MALRD1: variants seen among roughly 807,000 people sequenced by gnomAD.
MALRD1 encodes MAM and LDL receptor class A domain containing 1.
In MALRD1, 247 loss-of-function variants were observed where a neutral mutation model predicts 242.1. The ratio of observed to expected loss-of-function variants is 1.02; its 90% CI spans 0.92 to 1.13. The LOEUF (loss-of-function observed/expected upper bound fraction) is 1.13, where lower values mean the gene tolerates loss of function less well. Among genes scored for constraint, MALRD1 ranks in the 50% most tolerant of loss-of-function variants. The pLI, the probability that MALRD1 is intolerant of heterozygous loss-of-function variation, is 0.00. For synonymous variants in MALRD1, 995 were observed against 866.6 expected (o/e 1.15, Z -2.60); for missense variants, 2,989 against 2,533.1 (o/e 1.18, Z -3.86).
Position 19,660,861 on chromosome 10 carries a change from G to A in MALRD1, c.6138-31421G>A, listed in dbSNP as rs563290682. Among the ~76,000 whole-genome samples the A allele has an allele frequency of 1.6e-4, 24 of 152,212 alleles. No homozygotes were observed. In the South Asian group the frequency reaches 3.7e-3, roughly 24 times the overall value. ...ATTATGTTTTCCCTAAGTTCAGCCTGTTATTTTTGCATGCAGAAAGAGGTA... is the reference window on the plus strand; with the variant it reads ...ATTATGTTTTCCCTAAGTTCAGCCTATTATTTTTGCATGCAGAAAGAGGTA... On this transcript the variant is annotated intron_variant, in intron 36 of 39. Transcript: ENST00000454679.
At chr10:19,464,112 A>C (rs879009616) in intron 29 of MALRD1, among the ~76,000 whole-genome samples, 1 of 152,190 alleles carries the variant, frequency 6.6e-6, no homozygotes, top group African/African-American at 2.4e-5. Context: ...TCTGGATATT[A>C]GTCCTTTGTC....
chr10:19,405,600 G>A (rs1847059952), intron 28 of MALRD1, among the ~76,000 whole-genome samples: 1 of 152,140 alleles, frequency 6.6e-6, no homozygotes, highest in East Asian at 1.9e-4. Flanking sequence ...TTATTTACAT[G>A]TTATAGATTT....
intron 31 of MALRD1, among the ~76,000 whole-genome samples, chr10:19,511,474 A>G (rs1431501881): frequency 2.6e-5 from 4 of 152,220 alleles, no homozygotes; most frequent in Non-Finnish European, 4.4e-5. Flanking sequence ...GCCCATCAAC[A>G]ATTAGGGTTA....
intron 28 of MALRD1, among the ~76,000 whole-genome samples, chr10:19,415,493 G>C (rs936223219): frequency 2.6e-5 from 4 of 151,992 alleles, no homozygotes; most frequent in Admixed American, 2.0e-4. Context: ...GGCTAATTAA[G>C]TTAATTCACA....
chr10:19,095,050 A>G (rs964102764), intron 4 of MALRD1, among the ~76,000 whole-genome samples: 1 of 152,108 alleles, frequency 6.6e-6, no homozygotes, highest in African/African-American at 2.4e-5. Context: ...TTTTTTTATC[A>G]TCTGTTATTA....
intron 26 of MALRD1, among the ~76,000 whole-genome samples, chr10:19,374,203 TAG>T (rs1845505094): frequency 1.3e-5 from 2 of 152,230 alleles, no homozygotes; most frequent in African/African-American, 4.8e-5. Flanking sequence ...ACTGCATGCA[TAG>T]TACAATGAAG....
chr10:19,652,088 G>T (rs920341639), intron 36 of MALRD1, among the ~76,000 whole-genome samples: 1 of 152,152 alleles, frequency 6.6e-6, no homozygotes, highest in South Asian at 2.1e-4. Flanking sequence ...GCCAGCGAGG[G>T]TGACCATGAA....
At chr10:19,565,032 G>T (rs1303951217) in intron 32 of MALRD1, among the ~76,000 whole-genome samples, 1 of 152,086 alleles carries the variant, frequency 6.6e-6, no homozygotes, top group Non-Finnish European at 1.5e-5. Context: ...TATACTGGAG[G>T]TATTATAAAT....
chr10:19,470,461 G>A (rs370071560), intron 29 of MALRD1, among the ~76,000 whole-genome samples: 3 of 151,992 alleles, frequency 2.0e-5, no homozygotes, highest in South Asian at 2.1e-4. Flanking sequence ...ATACCCAGAA[G>A]TAGAATTGTC....
At chr10:19,717,426 A>G (rs977715667) in intron 38 of MALRD1, among the ~76,000 whole-genome samples, 1 of 152,188 alleles carries the variant, frequency 6.6e-6, no homozygotes, top group Non-Finnish European at 1.5e-5. Flanking sequence ...ATAATTTGGC[A>G]CCATGGCTTT....
chr10:19,445,767 T>A (rs1417106387), intron 28 of MALRD1, among the ~76,000 whole-genome samples: 1 of 152,326 alleles, frequency 6.6e-6, no homozygotes, highest in East Asian at 1.9e-4. Flanking sequence ...GAGGAGGCAG[T>A]CTGTCTGTTC....
intron 18 of MALRD1, among the ~76,000 whole-genome samples, chr10:19,243,971 A>G (rs1838925524): frequency 6.6e-6 from 1 of 152,186 alleles, no homozygotes; most frequent in Non-Finnish European, 1.5e-5. Flanking sequence ...TTTTATTTTT[A>G]ACTCTAAGAT....
chr10:19,269,520 G>A (rs140995693), intron 19 of MALRD1, among the ~76,000 whole-genome samples: 26 of 152,328 alleles, frequency 1.7e-4, no homozygotes, highest in Non-Finnish European at 2.2e-4. Flanking sequence ...CAGAGAGTCC[G>A]TCAGGAATCC....
intron 31 of MALRD1, among the ~76,000 whole-genome samples, chr10:19,499,337 C>G (rs10494869): frequency 0.22 from 33,190 of 150,988 alleles, 5,396 homozygotes; most frequent in African/African-American, 0.47. Flanking sequence ...TTTTATGTGT[C>G]AAATTGGAGA....
At chr10:19,348,298 A>G (rs1844221889) in intron 25 of MALRD1, among the ~76,000 whole-genome samples, 1 of 152,292 alleles carries the variant, frequency 6.6e-6, no homozygotes, top group South Asian at 2.1e-4. Context: ...AACCATGTAT[A>G]ATACAGAAGA....
intron 38 of MALRD1, among the ~76,000 whole-genome samples, chr10:19,729,928 G>T (rs1045567490): frequency 4.0e-5 from 6 of 151,380 alleles, no homozygotes; most frequent in Non-Finnish European, 5.9e-5. Context: ...CAGTAGAGAC[G>T]GGGTTTCACC....
At chr10:19,192,334 T>C (rs1349476812) in intron 14 of MALRD1, among the ~76,000 whole-genome samples, 1 of 152,308 alleles carries the variant, frequency 6.6e-6, no homozygotes, top group South Asian at 2.1e-4. Context: ...TAGATAATAA[T>C]ACATTTTATG....
At chr10:19,673,570 A>G (rs1326791033) in intron 36 of MALRD1, among the ~76,000 whole-genome samples, 3 of 152,108 alleles carry the variant, frequency 2.0e-5, no homozygotes, top group Admixed American at 1.3e-4. Flanking sequence ...TTCTGTGCAT[A>G]AGATTTTTTG....
chr10:19,692,038 G>A (rs746340218), intron 36 of MALRD1, among the ~76,000 whole-genome samples: 16 of 152,042 alleles, frequency 1.1e-4, no homozygotes, highest in African/African-American at 1.9e-4. Context: ...TGGAAACCAT[G>A]TTTCTACCTT....
Sources: gnomAD v4.1 joint callset for allele counts (sites outside exome capture counted in the v4.1 genomes callset) on GRCh38, gnomAD v4.1.1 for gene constraint, MANE v1.5 for transcripts, NCBI Gene and HGNC (gene_info 2026-07-23, HGNC 2026-07-21) for gene names.